Variants in IGSF11 observed in about 807,000 individuals in gnomAD.
IGSF11 encodes the protein CXADR like 1.
IGSF11 carries 22 observed loss-of-function variants against 41.0 expected under a neutral mutation model. That is an observed-to-expected ratio of 0.54 (90% CI 0.38 to 0.77). The LOEUF is 0.77. Ranked by LOEUF, IGSF11 falls within the 30% of genes least tolerant of loss-of-function variation. The probability of loss-of-function intolerance (pLI) is 0.00; values close to 1 mark genes in which losing one functional copy is unlikely to be tolerated. For missense variants in IGSF11, 444 were observed against 530.8 expected, an observed-to-expected ratio of 0.84 and a Z score of 1.61; for synonymous variants, 219 against 201.3, an observed-to-expected ratio of 1.09 and a Z score of -0.74.
At chr3:118,926,547 C>T (rs552549974) in intron 3 of IGSF11, among the ~76,000 whole-genome samples, 1 of 152,278 alleles carries the variant, frequency 6.6e-6, no homozygotes, top group African/African-American at 2.4e-5. Context: ...ACTCTGCTTC[C>T]TCTAAAGAAG....
chr3:118,913,367 C>G (rs936879190), intron 4 of IGSF11, among the ~76,000 whole-genome samples: 4 of 152,058 alleles, frequency 2.6e-5, no homozygotes, highest in African/African-American at 4.8e-5. Flanking sequence ...TTAACACATA[C>G]CTAAAATATA....
intron 1 of IGSF11, among the ~76,000 whole-genome samples, chr3:119,057,954 C>T (rs1941911390): frequency 6.6e-6 from 1 of 152,184 alleles, no homozygotes; most frequent in Non-Finnish European, 1.5e-5. Flanking sequence ...CTTCCTTACA[C>T]CTTATACAAA....
intron 1 of IGSF11, among the ~76,000 whole-genome samples, chr3:118,934,160 G>T (rs764376458): frequency 6.6e-6 from 1 of 152,134 alleles, no homozygotes; most frequent in African/African-American, 2.4e-5. Context: ...TCTCTCCACA[G>T]AATCTATTCC....
At chr3:119,090,288 T>C (rs1446555745) in intron 1 of IGSF11, among the ~76,000 whole-genome samples, 1 of 152,176 alleles carries the variant, frequency 6.6e-6, no homozygotes, top group African/African-American at 2.4e-5. Flanking sequence ...AAAATCAACA[T>C]TGTAAACATG....
chr3:119,059,469 G>A (rs192855311), intron 1 of IGSF11, among the ~76,000 whole-genome samples: 21 of 152,224 alleles, frequency 1.4e-4, no homozygotes, highest in Middle Eastern at 3.4e-3. Context: ...TACACTGCTC[G>A]GATGATGGAT....
chr3:118,951,483 G>A (rs112692594), intron 1 of IGSF11, among the ~76,000 whole-genome samples: 1,804 of 152,184 alleles, frequency 0.012, 40 homozygotes, highest in African/African-American at 0.041. Flanking sequence ...ACAAAATGTG[G>A]TAATATTATT....
chr3:119,101,025 T>C (rs1035124590), intron 1 of IGSF11, among the ~76,000 whole-genome samples: 1 of 152,204 alleles, frequency 6.6e-6, no homozygotes, highest in Non-Finnish European at 1.5e-5. Context: ...ATAGATGTTG[T>C]CTTCAACTCC....
At chr3:119,087,689 T>C (rs912661350) in intron 1 of IGSF11, among the ~76,000 whole-genome samples, 3 of 152,162 alleles carry the variant, frequency 2.0e-5, no homozygotes, top group Middle Eastern at 3.2e-3. Flanking sequence ...GCTTGGGTGA[T>C]GGGTGTACCA....
chr3:118,942,844 TC>T (rs1320949270), intron 1 of IGSF11, among the ~76,000 whole-genome samples: 1 of 152,172 alleles, frequency 6.6e-6, no homozygotes, highest in Non-Finnish European at 1.5e-5. Context: ...AAGCCTATGC[TC>T]ACTGAGGAAG....
chr3:119,094,508 G>A (rs2076817635), intron 1 of IGSF11, among the ~76,000 whole-genome samples: 1 of 151,776 alleles, frequency 6.6e-6, no homozygotes, highest in Non-Finnish European at 1.5e-5. Context: ...TTCCAGGAAG[G>A]AAATCCTGAA....
intron 1 of IGSF11, among the ~76,000 whole-genome samples, chr3:119,099,633 G>T (rs1444901467): frequency 6.6e-6 from 1 of 152,162 alleles, no homozygotes; most frequent in African/African-American, 2.4e-5. Context: ...AAGATGACTA[G>T]TCAGGTATAG....
chr3:119,091,858 A>T (rs115418805), intron 1 of IGSF11, among the ~76,000 whole-genome samples: 1,916 of 151,530 alleles, frequency 0.013, 32 homozygotes, highest in African/African-American at 0.045. Flanking sequence ...TAAATATTGA[A>T]TTTTTTTTTA....
chr3:118,955,231 C>T (rs1264730210), intron 1 of IGSF11, among the ~76,000 whole-genome samples: 2 of 144,838 alleles, frequency 1.4e-5, no homozygotes, highest in Admixed American at 1.4e-4. Context: ...CACACACACA[C>T]ACACACACAC....
At chr3:119,126,394 G>A (rs2077405524) in intron 1 of IGSF11, among the ~76,000 whole-genome samples, 2 of 152,240 alleles carry the variant, frequency 1.3e-5, no homozygotes, top group Admixed American at 1.3e-4. Context: ...AGCCCCTAAG[G>A]GGAGGGATGG....
intron 1 of IGSF11, among the ~76,000 whole-genome samples, chr3:119,126,596 C>T (rs934627152): frequency 1.3e-5 from 2 of 152,182 alleles, no homozygotes; most frequent in African/African-American, 4.8e-5. Context: ...TTGTCAGATA[C>T]TCTATATAGG....
rs34598990 is a variant in IGSF11, at chr3:118,965,533, T to TAA, written c.53-35260_53-35259dup. ...ACAGTCATCTTATGCCAGATAGAGG[T>TAA]AAAAAAAAAAAAGTCATTAAAATTC... On this transcript the variant is annotated intron_variant, in intron 1 of 6. Transcript: ENST00000393775. 1.9e-3 allele frequency among the ~76,000 whole-genome samples: 273 copies of TAA among 144,056 alleles called. 1 individual carries two copies. Among genetic ancestry groups the TAA allele is most frequent in the South Asian group, 6.1e-3 (28 of 4,590 alleles). 94.5% of individuals were successfully genotyped at this position (144,056 alleles called of 152,430 possible).
chr3:118,984,551 A>G (rs1363657773), intron 1 of IGSF11, among the ~76,000 whole-genome samples: 1 of 152,182 alleles, frequency 6.6e-6, no homozygotes, highest in Non-Finnish European at 1.5e-5. Flanking sequence ...GAAAGAAGGG[A>G]AGGAGGAAGA....
chr3:118,938,158 A>G (rs1447005803), intron 1 of IGSF11, among the ~76,000 whole-genome samples: 1 of 152,154 alleles, frequency 6.6e-6, no homozygotes, highest in Non-Finnish European at 1.5e-5. Flanking sequence ...GCATTAACTC[A>G]GCAGTATCTC....
chr3:118,921,657 T>A (rs1186309116), intron 4 of IGSF11, among the ~76,000 whole-genome samples: 6 of 152,288 alleles, frequency 3.9e-5, no homozygotes, highest in South Asian at 2.1e-4. Context: ...ACCCAGTGAT[T>A]CCTGGATTCA....
Sources: allele counts gnomAD v4.1 joint callset (sites outside exome capture counted in the v4.1 genomes callset), GRCh38; gene constraint gnomAD v4.1.1; transcripts MANE v1.5; gene names NCBI Gene and HGNC (gene_info 2026-07-23, HGNC 2026-07-21).